Variants in ZFX observed in about 807,000 individuals in gnomAD.
ZFX encodes the protein zinc finger X-chromosomal protein.
For synonymous variants in ZFX, 196 were observed against 226.8 expected (o/e 0.86, Z 1.22); for missense variants, 362 against 628.3 (o/e 0.58, Z 4.53).
chrX:24,170,608 ATT>A (rs1217226048), intron 3 of ZFX, among the ~76,000 whole-genome samples: 4 of 85,927 alleles, frequency 4.7e-5, no homozygotes, highest in Non-Finnish European at 9.2e-5. Context: ...TTTTTCTTTA[ATT>A]TTTTTTTTTT....
rs1346203221 is a variant in ZFX, at chrX:24,212,261, C to T, written c.*885C>T. ...TATATATACACATATATATCATGTA[C>T]CTGTGTGTATTGCTTATTTTACATA... On this transcript the variant is annotated 3_prime_UTR_variant, in exon 10 of 10. Coordinates refer to ENST00000304543, the MANE Select transcript of ZFX (RefSeq NM_003410.4). 2 of 111,443 alleles carry T rather than the reference C, an allele frequency of 1.8e-5. No homozygotes were observed. The highest frequency in any genetic ancestry group is 3.8e-5 in the Non-Finnish European group (2 of 53,061). 9.2% of individuals were successfully genotyped at this position (111,443 alleles called of 1,213,427 possible).
intron 3 of ZFX, among the ~76,000 whole-genome samples, chrX:24,168,032 C>T (rs1315883418): frequency 9.0e-6 from 1 of 111,483 alleles, no homozygotes. Flanking sequence ...AAATATGACT[C>T]CAGATTTGAA....
intron 3 of ZFX, among the ~76,000 whole-genome samples, chrX:24,160,314 T>TC (rs1933145748): frequency 9.4e-6 from 1 of 106,374 alleles, no homozygotes; most frequent in African/African-American, 3.4e-5. Context: ...TTTTTTTTTT[T>TC]TTGAGAGCGG....
intron 5 of ZFX, among the ~76,000 whole-genome samples, chrX:24,194,745 A>ATTTTTTTT (rs201382772): frequency 9.7e-6 from 1 of 103,308 alleles, no homozygotes. Flanking sequence ...TACAGTAAAA[A>ATTTTTTTT]ATTTTTTTTT....
intron 5 of ZFX, among the ~76,000 whole-genome samples, chrX:24,195,784 G>A (rs1028525755): frequency 8.9e-6 from 1 of 112,060 alleles, no homozygotes; most frequent in Non-Finnish European, 1.9e-5. Context: ...GAGCCACCAC[G>A]CCCGGCCACT....
At position 24,201,067 on chromosome X, in the gene ZFX, T is replaced by C. The variant is rs142258437; in HGVS notation, c.647-6259T>C. Among the ~76,000 whole-genome samples, 1,026 of 112,199 alleles carry C rather than the reference T, an allele frequency of 9.1e-3. 11 individuals carry two copies. The highest frequency in any genetic ancestry group is 0.031 in the African/African-American group (956 of 30,928). ...GGATGACTCAATTTTATCGAAGCCT[T>C]CTTTGTCTGTTTTTAGAAATTCATT... On this transcript the variant is annotated intron_variant, in intron 5 of 9. Coordinates refer to ENST00000304543, the MANE Select transcript of ZFX (RefSeq NM_003410.4).
intron 5 of ZFX, among the ~76,000 whole-genome samples, chrX:24,187,774 C>T (rs1936244328): frequency 9.0e-6 from 1 of 111,596 alleles, no homozygotes; most frequent in African/African-American, 3.3e-5. Context: ...AGCAAAGTCC[C>T]TGGCTTTTTA....
rs1938174412 is a variant in ZFX at position 24,212,638 on chromosome X, T to C, written c.*1262T>C. ...CTTTGAGAAGCCTGAGAGGGAACTC[T>C]GTCTTACCTAGTGAGGGGGATGGAA... is the stretch of plus-strand genomic sequence containing the variant. On this transcript the variant is annotated 3_prime_UTR_variant, in exon 10 of 10. Coordinates refer to ENST00000304543, the MANE Select transcript of ZFX (RefSeq NM_003410.4). 1 of 112,276 alleles carries C rather than the reference T, an allele frequency of 8.9e-6. No homozygotes were observed. The highest frequency in any genetic ancestry group is 1.9e-5 in the Non-Finnish European group (1 of 53,199). The allele number at this position is 112,276 out of a possible 1,213,427, so 9.3% of individuals were successfully genotyped here.
intron 1 of ZFX, chrX:24,150,273 C>T (rs1490829618): frequency 9.9e-6 from 1 of 101,238 alleles, no homozygotes; most frequent in African/African-American, 3.6e-5. Context: ...GAGCCGCCAT[C>T]TTGGAGGCGG....
chrX:24,192,017 A>T (rs942947536), intron 5 of ZFX, among the ~76,000 whole-genome samples: 10 of 111,959 alleles, frequency 8.9e-5, no homozygotes, highest in African/African-American at 2.9e-4. Context: ...AGTATTAAAT[A>T]GCCATCCACA....
intron 5 of ZFX, among the ~76,000 whole-genome samples, chrX:24,201,622 A>G (rs996052290): frequency 8.9e-6 from 1 of 112,421 alleles, no homozygotes; most frequent in Non-Finnish European, 1.9e-5. Flanking sequence ...ATTTCTGCCT[A>G]GTTTGGTGAT....
At chrX:24,170,496 GGGGGAAAAGGTATTCT>G (rs1392212215) in intron 3 of ZFX, among the ~76,000 whole-genome samples, 1 of 110,840 alleles carries the variant, frequency 9.0e-6, no homozygotes, top group African/African-American at 3.3e-5. Context: ...ATTTTTAAAA[GGGGGAAAAGGTATTCT>G]ATAGCCAGAG....
intron 4 of ZFX, among the ~76,000 whole-genome samples, chrX:24,174,354 C>T (rs1463111237): frequency 9.1e-6 from 1 of 110,049 alleles, no homozygotes; most frequent in Non-Finnish European, 1.9e-5. Flanking sequence ...AAATAGCAAT[C>T]AACTTTATCA....
At chrX:24,171,040 C>A (rs940200348) in intron 3 of ZFX, among the ~76,000 whole-genome samples, 2 of 111,787 alleles carry the variant, frequency 1.8e-5, no homozygotes, top group Non-Finnish European at 3.8e-5. Flanking sequence ...TCTCAATTAA[C>A]ATTTAATGGA....
chrX:24,154,952 A>G, intron 3 of ZFX, among the ~76,000 whole-genome samples: 1 of 110,868 alleles, frequency 9.0e-6, no homozygotes, highest in Middle Eastern at 4.6e-3. Flanking sequence ...AAAGAAGGAA[A>G]CGAGACACTG....
At chrX:24,159,398 A>G (rs1220230956) in intron 3 of ZFX, among the ~76,000 whole-genome samples, 4 of 112,619 alleles carry the variant, frequency 3.6e-5, no homozygotes, top group African/African-American at 6.4e-5. Context: ...ACAAAGTTGT[A>G]TTAACCTCAT....
intron 4 of ZFX, chrX:24,177,569 G>A (rs1052384171): frequency 2.8e-5 from 9 of 324,622 alleles, no homozygotes; most frequent in African/African-American, 2.6e-4. Flanking sequence ...CAGCGCAGCT[G>A]CACTTGTATT....
intron 4 of ZFX, among the ~76,000 whole-genome samples, chrX:24,174,144 C>T (rs1209254851): frequency 3.6e-5 from 4 of 109,604 alleles, no homozygotes; most frequent in South Asian, 3.9e-4. Flanking sequence ...ATCTGGGAGG[C>T]GGAGGTTGCA....
At chrX:24,177,691 G>A (rs747696518) in intron 4 of ZFX, 3 of 750,431 alleles carry the variant, frequency 4.0e-6, no homozygotes, top group Non-Finnish European at 4.7e-6. Flanking sequence ...TAGATTCAGA[G>A]GATGATTTCT....
Sources: allele counts gnomAD v4.1 joint callset (sites outside exome capture counted in the v4.1 genomes callset), GRCh38; gene constraint gnomAD v4.1.1; transcripts MANE v1.5; gene names NCBI Gene and HGNC (gene_info 2026-07-23, HGNC 2026-07-21).